UVRAG: variants seen among roughly 807,000 people sequenced by gnomAD.
UVRAG encodes UV radiation resistance-associated gene protein.
Under a neutral mutation model 78.0 loss-of-function variants are expected in UVRAG, and 19 were observed. The observed-to-expected ratio is 0.24, with a 90% CI of 0.17 to 0.36. The LOEUF (loss-of-function observed/expected upper bound fraction) is 0.36. UVRAG is among the 10% of genes least tolerant of loss of function. UVRAG has a pLI of 1.00. For synonymous variants in UVRAG, 323 were observed against 324.6 expected, an observed-to-expected ratio of 1.00 and a Z score of 0.05; for missense variants, 740 against 853.8, an observed-to-expected ratio of 0.87 and a Z score of 1.66.
At chr11:75,870,958 C>T (rs1426471096) in intron 3 of UVRAG, among the ~76,000 whole-genome samples, 2 of 151,952 alleles carry the variant, frequency 1.3e-5, no homozygotes, top group Admixed American at 6.6e-5. Context: ...CAACCTCCGC[C>T]TCCAAGGTAC....
intron 3 of UVRAG, among the ~76,000 whole-genome samples, chr11:75,872,745 T>C (rs999325704): frequency 3.5e-4 from 54 of 152,190 alleles, no homozygotes; most frequent in African/African-American, 1.1e-3. Context: ...GTTCCAGATA[T>C]AACCAACCAT....
At chr11:76,097,865 A>G (rs1313028528) in intron 13 of UVRAG, among the ~76,000 whole-genome samples, 1 of 152,162 alleles carries the variant, frequency 6.6e-6, no homozygotes, top group Non-Finnish European at 1.5e-5. Flanking sequence ...TCAAAATGTA[A>G]GTCTACTCCT....
At chr11:75,888,741 T>C in intron 4 of UVRAG, 88 bp from the exon 5 acceptor site, 2 of 1,116,446 alleles carry the variant, frequency 1.8e-6, no homozygotes, top group Non-Finnish European at 2.6e-6. Context: ...AGTATTGAAG[T>C]AGATCCTGTT....
intron 8 of UVRAG, among the ~76,000 whole-genome samples, chr11:75,985,983 C>T (rs775276594): frequency 6.6e-6 from 1 of 152,074 alleles, no homozygotes; most frequent in Non-Finnish European, 1.5e-5. Context: ...TGTTTTTCTT[C>T]AAGATTACCT....
chr11:76,002,342 G>A (rs1479653150), intron 8 of UVRAG, among the ~76,000 whole-genome samples: 2 of 152,106 alleles, frequency 1.3e-5, no homozygotes, highest in Non-Finnish European at 2.9e-5. Context: ...TTTGTTAGCT[G>A]ATTGGGATAT....
chr11:76,112,123 C>G (rs1268658802), intron 13 of UVRAG, among the ~76,000 whole-genome samples: 1 of 151,846 alleles, frequency 6.6e-6, no homozygotes, highest in African/African-American at 2.4e-5. Context: ...AATGAAAGAC[C>G]GAAATGAAGG....
At chr11:75,878,203 C>CTGCACTCTG (rs1427327992) in intron 3 of UVRAG, among the ~76,000 whole-genome samples, 1 of 151,346 alleles carries the variant, frequency 6.6e-6, no homozygotes, top group African/African-American at 2.4e-5. Flanking sequence ...CGGGCAGAGG[C>CTGCACTCTG]GCTCCTTACA....
chr11:75,823,510 A>AT (rs1410594895), intron 1 of UVRAG, among the ~76,000 whole-genome samples: 1 of 152,066 alleles, frequency 6.6e-6, no homozygotes, highest in Non-Finnish European at 1.5e-5. Context: ...TTTAATTTTA[A>AT]TTTTTGTAGA....
intron 13 of UVRAG, among the ~76,000 whole-genome samples, chr11:76,067,619 G>A (rs1951217128): frequency 6.6e-6 from 1 of 152,104 alleles, no homozygotes; most frequent in Non-Finnish European, 1.5e-5. Context: ...TTAGCCAGGT[G>A]TGGTGGCATG....
intron 12 of UVRAG, among the ~76,000 whole-genome samples, chr11:76,040,959 TATC>T (rs1321357029): frequency 6.6e-6 from 1 of 152,102 alleles, no homozygotes; most frequent in Non-Finnish European, 1.5e-5. Flanking sequence ...ATAAGAAGAA[TATC>T]ATGCACATTA....
Position 76,126,771 on chromosome 11 carries a change from T to C in UVRAG, c.1397+10756T>C, listed in dbSNP as rs541576322. On this transcript the variant is annotated intron_variant, in intron 14 of 14. Coordinates refer to ENST00000356136, the MANE Select transcript of UVRAG (RefSeq NM_003369.4). The stretch of plus-strand genomic sequence containing the variant: ...AATATCTGTGTGCTCTGTACTAAGT[T>C]ATATTGGAAAGCGGAAGAGGGGGTT... Among the ~76,000 whole-genome samples the C allele has an allele frequency of 2.0e-5, 3 of 152,306 alleles. No individual in the cohort carries two copies. In the South Asian group the frequency reaches 6.2e-4, roughly 32 times the overall value.
chr11:75,934,545 A>T (rs1471578633), intron 6 of UVRAG, among the ~76,000 whole-genome samples: 2 of 152,228 alleles, frequency 1.3e-5, no homozygotes, highest in Non-Finnish European at 2.9e-5. Flanking sequence ...ACTTGAGGTG[A>T]TGGATACCCC....
chr11:75,992,570 C>T (rs571368678), intron 8 of UVRAG, among the ~76,000 whole-genome samples: 23 of 152,086 alleles, frequency 1.5e-4, no homozygotes, highest in Admixed American at 5.9e-4. Flanking sequence ...CTGTGGTGAT[C>T]GGCACTGGGG....
At chr11:76,088,484 G>A (rs1054863434) in intron 13 of UVRAG, among the ~76,000 whole-genome samples, 6 of 31,286 alleles carry the variant, frequency 1.9e-4, no homozygotes, top group Admixed American at 6.7e-4. Flanking sequence ...CCCCACTTCC[G>A]CCCACCCGCG....
Position 75,886,556 on chromosome 11 carries a change from G to A in UVRAG, c.433-2273G>A, listed in dbSNP as rs189901423. On this transcript the variant is annotated intron_variant, in intron 4 of 14. Transcript: ENST00000356136. ...CATAATGTTTTCTCTTTTCCAAGGTGAAAAACTCCTTGAGATTGATTTATA... is the reference window on the plus strand; with the variant it reads ...CATAATGTTTTCTCTTTTCCAAGGTAAAAAACTCCTTGAGATTGATTTATA... Among the ~76,000 whole-genome samples, 5 of 152,286 alleles carry A rather than the reference G, an allele frequency of 3.3e-5. No individual in the cohort carries two copies. In the East Asian group the frequency reaches 9.6e-4, roughly 29 times the overall value.
At chr11:75,819,443 G>A (rs1053498289) in intron 1 of UVRAG, among the ~76,000 whole-genome samples, 6 of 152,168 alleles carry the variant, frequency 3.9e-5, no homozygotes, top group African/African-American at 1.4e-4. Context: ...CCCCTCCCGG[G>A]TTCAAGCAAT....
intron 12 of UVRAG, among the ~76,000 whole-genome samples, chr11:76,061,766 G>A (rs1951099999): frequency 6.6e-6 from 1 of 152,068 alleles, no homozygotes; most frequent in South Asian, 2.1e-4. Flanking sequence ...TCACCGCGAG[G>A]GTCCGCAGCT....
chr11:75,906,700 A>T (rs1049655300), intron 5 of UVRAG, among the ~76,000 whole-genome samples: 1 of 152,222 alleles, frequency 6.6e-6, no homozygotes, highest in African/African-American at 2.4e-5. Context: ...TAATTTAAAA[A>T]TATGGTATTA....
intron 14 of UVRAG, among the ~76,000 whole-genome samples, chr11:76,122,727 A>C (rs867621010): frequency 1.3e-5 from 2 of 152,174 alleles, no homozygotes; most frequent in Admixed American, 6.5e-5. Context: ...AAGATTTACC[A>C]TCTGTCTACC....
Sources: gnomAD v4.1 joint callset for allele counts (sites outside exome capture counted in the v4.1 genomes callset) on GRCh38, gnomAD v4.1.1 for gene constraint, MANE v1.5 for transcripts, NCBI Gene and HGNC (gene_info 2026-07-23, HGNC 2026-07-21) for gene names.